Variants in CNTN5 observed in about 807,000 individuals in gnomAD.
CNTN5 encodes contactin 5.
CNTN5 carries 77 observed loss-of-function variants against 129.1 expected under a neutral mutation model. That is an observed-to-expected ratio of 0.60 (90% CI 0.50 to 0.72). The LOEUF is 0.72. CNTN5 is among the 30% of genes least tolerant of loss of function. The pLI, the probability that CNTN5 is intolerant of heterozygous loss-of-function variation, is 0.00. For missense variants in CNTN5, 1,478 were observed against 1,328.8 expected, an observed-to-expected ratio of 1.11 and a Z score of -1.75; for synonymous variants, 509 against 465.6, an observed-to-expected ratio of 1.09 and a Z score of -1.20.
intron 3 of CNTN5, among the ~76,000 whole-genome samples, chr11:99,626,994 G>A (rs1342297348): frequency 9.2e-5 from 14 of 152,150 alleles, no homozygotes; most frequent in East Asian, 7.7e-4. Context: ...TCAATTTTCC[G>A]TAGTTTCCTT....
chr11:99,641,168 T>A (rs1042523381), intron 3 of CNTN5, among the ~76,000 whole-genome samples: 3 of 152,146 alleles, frequency 2.0e-5, no homozygotes, highest in Admixed American at 1.3e-4. Flanking sequence ...AAATTGAGAT[T>A]TAAACTATCA....
intron 2 of CNTN5, among the ~76,000 whole-genome samples, chr11:99,398,087 G>A (rs900260167): frequency 2.0e-5 from 3 of 151,774 alleles, no homozygotes; most frequent in African/African-American, 7.3e-5. Flanking sequence ...ACCTGGCTCC[G>A]ACTGTCAGCC....
At chr11:100,267,280 C>CATACACAG (rs371454644) in intron 17 of CNTN5, among the ~76,000 whole-genome samples, 1 of 148,478 alleles carries the variant, frequency 6.7e-6, no homozygotes, top group Non-Finnish European at 1.5e-5. Context: ...CACACACACA[C>CATACACAG]AGAGAGAGAG....
intron 1 of CNTN5, among the ~76,000 whole-genome samples, chr11:99,169,297 G>A (rs1286665432): frequency 6.6e-6 from 1 of 151,926 alleles, no homozygotes; most frequent in East Asian, 1.9e-4. Flanking sequence ...TAGAGGTCCT[G>A]GAATTCCTGT....
chr11:99,754,904 A>G (rs944959641), intron 3 of CNTN5, among the ~76,000 whole-genome samples: 5 of 152,184 alleles, frequency 3.3e-5, no homozygotes, highest in South Asian at 2.1e-4. Flanking sequence ...AAAATATTCT[A>G]TACTGGAACT....
intron 3 of CNTN5, among the ~76,000 whole-genome samples, chr11:99,726,197 C>T (rs1943331973): frequency 6.6e-6 from 1 of 152,158 alleles, no homozygotes; most frequent in Non-Finnish European, 1.5e-5. Flanking sequence ...TACATCCTCC[C>T]CAAAGAGTCC....
At chr11:100,223,852 G>A (rs935494347) in intron 15 of CNTN5, among the ~76,000 whole-genome samples, 2 of 152,084 alleles carry the variant, frequency 1.3e-5, no homozygotes, top group African/African-American at 4.8e-5. Flanking sequence ...ACATGATCAC[G>A]ATAAAGGAAA....
Position 99,106,477 on chromosome 11 carries a change from A to C in CNTN5, c.-210+85207A>C, listed in dbSNP as rs1283610693. Among the ~76,000 whole-genome samples, 5 of 152,052 alleles carry C rather than the reference A, an allele frequency of 3.3e-5. No homozygotes were observed. In the East Asian group the frequency reaches 9.6e-4, roughly 29 times the overall value. The stretch of plus-strand genomic sequence containing the variant: ...ATATTACATATGTACAATTTTGGAG[A>C]ATATTAAATGGAATGTAGTTCCTAT... On this transcript the variant is annotated intron_variant, in intron 1 of 24. Coordinates refer to ENST00000524871, the MANE Select transcript of CNTN5 (RefSeq NM_014361.4).
chr11:100,256,700 C>T (rs985373444), intron 17 of CNTN5, among the ~76,000 whole-genome samples: 4 of 151,954 alleles, frequency 2.6e-5, no homozygotes, highest in African/African-American at 9.7e-5. Context: ...CATAGGGGGT[C>T]GGAGAATTCC....
chr11:99,628,450 A>G (rs550053723), intron 3 of CNTN5, among the ~76,000 whole-genome samples: 2 of 152,164 alleles, frequency 1.3e-5, no homozygotes, highest in Non-Finnish European at 2.9e-5. Flanking sequence ...ATGTTGCATT[A>G]TTTAATCAAC....
chr11:99,597,938 TC>T (rs1183421899), intron 3 of CNTN5, among the ~76,000 whole-genome samples: 5 of 152,108 alleles, frequency 3.3e-5, no homozygotes, highest in African/African-American at 1.2e-4. Context: ...AGGGATTCCT[TC>T]CCAGGTTGCA....
intron 3 of CNTN5, among the ~76,000 whole-genome samples, chr11:99,606,745 C>G (rs950437332): frequency 2.8e-5 from 4 of 144,464 alleles, no homozygotes; most frequent in Non-Finnish European, 6.1e-5. Context: ...GGTACGAAAA[C>G]AGAGATATAG....
In CNTN5 at chr11:99,938,437, GAGAC is replaced by G. The variant is rs144712868; in HGVS notation, c.674-18365_674-18362del. On this transcript the variant is annotated intron_variant, in intron 7 of 24. Transcript: ENST00000524871. ...AAAACGGTTACTATGTAATATTTGA[GAGAC>G]AGATTTATTCTTGGAGCAATCAGCT... Among the ~76,000 whole-genome samples the G allele has an allele frequency of 1.9e-3, 291 of 152,220 alleles. 1 individual carries two copies. Among genetic ancestry groups the G allele is most frequent in the African/African-American group, 6.5e-3 (272 of 41,548 alleles).
chr11:99,664,925 C>G (rs1016160347), intron 3 of CNTN5, among the ~76,000 whole-genome samples: 1 of 152,140 alleles, frequency 6.6e-6, no homozygotes, highest in Admixed American at 6.5e-5. Context: ...AATGTTGTGT[C>G]TAACACAGAA....
intron 13 of CNTN5, among the ~76,000 whole-genome samples, chr11:100,140,837 T>C (rs545514320): frequency 6.6e-6 from 1 of 152,204 alleles, no homozygotes; most frequent in African/African-American, 2.4e-5. Context: ...AAAGTGTCAG[T>C]TGGGGCTATG....
intron 1 of CNTN5, among the ~76,000 whole-genome samples, chr11:99,125,613 G>A (rs984268026): frequency 2.0e-5 from 3 of 151,898 alleles, no homozygotes; most frequent in African/African-American, 7.3e-5. Context: ...AGAGAAATTA[G>A]GCAAGAGAAA....
At chr11:99,936,663 T>C (rs1950322629) in intron 7 of CNTN5, among the ~76,000 whole-genome samples, 1 of 152,048 alleles carries the variant, frequency 6.6e-6, no homozygotes, top group South Asian at 2.1e-4. Context: ...ATATGGGGAG[T>C]AATAGTCCTG....
chr11:100,207,531 A>G (rs1294493705), intron 15 of CNTN5, among the ~76,000 whole-genome samples: 1 of 152,150 alleles, frequency 6.6e-6, no homozygotes, highest in Non-Finnish European at 1.5e-5. Context: ...AGCCTCACTA[A>G]AACTAAAAAA....
At chr11:100,328,591 T>A (rs537687845) in intron 21 of CNTN5, among the ~76,000 whole-genome samples, 1 of 152,012 alleles carries the variant, frequency 6.6e-6, no homozygotes, top group Non-Finnish European at 1.5e-5. Flanking sequence ...TGCCACAGAC[T>A]TTTAAGCAAC....
Sources: gnomAD v4.1 joint callset for allele counts (sites outside exome capture counted in the v4.1 genomes callset) on GRCh38, gnomAD v4.1.1 for gene constraint, MANE v1.5 for transcripts, NCBI Gene and HGNC (gene_info 2026-07-23, HGNC 2026-07-21) for gene names.